The following FAM131B variants were observed in gnomAD, a reference collection of about 807,000 sequenced individuals.
FAM131B encodes protein FAM131B.
A neutral mutation model predicts 42.0 loss-of-function variants in FAM131B; 19 were observed. That is an observed-to-expected ratio of 0.45 (90% CI 0.32 to 0.66). FAM131B has a LOEUF of 0.66. FAM131B is among the 30% of genes least tolerant of loss of function. The pLI is 0.05. For synonymous variants in FAM131B, 183 were observed against 177.6 expected, an observed-to-expected ratio of 1.03 and a Z score of -0.24; for missense variants, 370 against 468.4, an observed-to-expected ratio of 0.79 and a Z score of 1.94.
At position 143,359,984 on chromosome 7, in the gene FAM131B, T is replaced by C; in HGVS notation, c.138+56A>G. 1.5e-6 allele frequency: 2 copies of C among 1,338,892 alleles called. No individual in the cohort carries two copies. The highest frequency in any genetic ancestry group is 2.1e-6 in the Non-Finnish European group (2 of 936,668). The allele number at this position is 1,338,892 out of a possible 1,614,324, so 82.9% of individuals were successfully genotyped here. ...TGAAGGAGTGTTTGGGTTGTTGCCTTGGAATTGAGGAAGTGCAGGCAGCCA... is the reference window on the plus strand; with the variant it reads ...TGAAGGAGTGTTTGGGTTGTTGCCTCGGAATTGAGGAAGTGCAGGCAGCCA... On this transcript the variant is annotated intron_variant, in intron 2 of 6. Coordinates refer to ENST00000443739, the MANE Select transcript of FAM131B (RefSeq NM_001031690.3). This position sits in a 1 kb window ranked among gnomAD's most constrained non-coding sequence, Gnocchi z 5.4.
At chr7:143,374,593 C>G in the FAM131B span, among the ~76,000 whole-genome samples, 3 of 152,188 alleles carry the variant, frequency 2.0e-5, no homozygotes, top group Non-Finnish European at 4.4e-5. Context: ...CCCCATTGCT[C>G]TCAGGATCAA....
the FAM131B span, among the ~76,000 whole-genome samples, chr7:143,371,720 C>CACTG: frequency 6.6e-6 from 1 of 151,842 alleles, no homozygotes; most frequent in Non-Finnish European, 1.5e-5. Flanking sequence ...TGGGAGGCCT[C>CACTG]ACTGAGAGGT....
At position 143,362,374 on chromosome 7, in the gene FAM131B, G is replaced by T. The variant is rs1227318028; in HGVS notation, c.28+202C>A. ...GAGAAGGAAGCGAGCCGAGCGGGATGGCAGCCCCGGAGGCGCAAGACGAGA... is the reference window on the plus strand; with the variant it reads ...GAGAAGGAAGCGAGCCGAGCGGGATTGCAGCCCCGGAGGCGCAAGACGAGA... On this transcript the variant is annotated intron_variant, in intron 1 of 6. Coordinates refer to ENST00000443739, the MANE Select transcript of FAM131B (RefSeq NM_001031690.3). The surrounding 1 kb of genome is among the most constrained non-coding windows in gnomAD (Gnocchi z 7.7). 1.3e-5 allele frequency among the ~76,000 whole-genome samples: 2 copies of T among 152,162 alleles called. No individual in the cohort carries two copies. The highest frequency in any genetic ancestry group is 2.9e-5 in the Non-Finnish European group (2 of 68,016).
rs1359289788 is a variant in FAM131B at position 143,358,150 on chromosome 7, A to C, written c.466+677T>G. ...CTAGTCAAATCCATGAGCGTGTTGA[A>C]GCTGGTACTGCTCCTGCCCCCCACC... On this transcript the variant is annotated intron_variant, in intron 5 of 6. Coordinates refer to ENST00000443739, the MANE Select transcript of FAM131B (RefSeq NM_001031690.3). The surrounding 1 kb of genome is among the most constrained non-coding windows in gnomAD (Gnocchi z 4.7). Among the ~76,000 whole-genome samples the C allele has an allele frequency of 6.6e-6, 1 of 152,116 alleles. No individual in the cohort carries two copies. Among genetic ancestry groups the C allele is most frequent in the African/African-American group, 2.4e-5 (1 of 41,416 alleles).
chr7:143,359,174 A>G lies in FAM131B; in HGVS notation c.269-150T>C. On this transcript the variant is annotated intron_variant, in intron 4 of 6. Coordinates refer to ENST00000443739, the MANE Select transcript of FAM131B (RefSeq NM_001031690.3). The surrounding 1 kb of genome is among the most constrained non-coding windows in gnomAD (Gnocchi z 5.4). ...CTCCATAGATGGGGTAGTGGAGGGA[A>G]TGGCCTGGAGGATGGGAGGCTTGAC... is the stretch of plus-strand genomic sequence containing the variant. 1 of 1,023,992 alleles carries G rather than the reference A, an allele frequency of 9.8e-7. No homozygotes were observed. The highest frequency in any genetic ancestry group is 1.5e-6 in the Non-Finnish European group (1 of 686,074). The allele number at this position is 1,023,992 out of a possible 1,614,324, so 63.4% of individuals were successfully genotyped here. A position where few individuals can be genotyped will look rare whatever the true frequency, so the allele number is the denominator to read the frequency against.
At position 143,354,123 on chromosome 7, in the gene FAM131B, C is replaced by T. The variant is rs1803551937; in HGVS notation, c.*2427G>A. 6.6e-6 allele frequency: 1 copy of T among 152,022 alleles called. No homozygotes were observed. The highest frequency in any genetic ancestry group is 1.5e-5 in the Non-Finnish European group (1 of 67,960). 9.4% of individuals were successfully genotyped at this position (152,022 alleles called of 1,614,324 possible). ...CTAAGATGGTCCCAGGCCAGCTCCT[C>T]AGTCTCCCTCTTCAGAGCGAGTAGG... is the stretch of plus-strand genomic sequence containing the variant. On this transcript the variant is annotated 3_prime_UTR_variant, in exon 7 of 7. Transcript: ENST00000443739.
At chr7:143,360,387 T>C in intron 1 of FAM131B, 2 of 1,380,130 alleles carry the variant, frequency 1.4e-6, no homozygotes, top group East Asian at 2.8e-5. Flanking sequence ...TGTTGTTGTT[T>C]ATGTGGAGGG....
chr7:143,356,592 A>T lies in FAM131B; in HGVS notation c.1041T>A (p.Gly347=). 1 of 1,613,888 alleles carries T rather than the reference A, an allele frequency of 6.2e-7. No individual in the cohort carries two copies. Among genetic ancestry groups the T allele is most frequent in the Non-Finnish European group, 8.5e-7 (1 of 1,179,968 alleles). Residue 347 remains glycine (G), a synonymous_variant, in exon 7 of 7, where the codon GGT becomes GGA. Transcript: ENST00000443739. The surrounding 1 kb of genome is among the most constrained non-coding windows in gnomAD (Gnocchi z 4.4). ...CTTCCTCCTCATCAAAGGACTGCAC[A>T]CCTGAGGATGTGACGTCAGACACCT... ...SRKVSDVTSS[G]VQSFDEEEGE... is the part of the protein sequence containing the mutation.
upstream of FAM131B, among the ~76,000 whole-genome samples, chr7:143,365,505 G>T (rs1456842072): frequency 6.6e-6 from 1 of 152,156 alleles, no homozygotes; most frequent in Non-Finnish European, 1.5e-5. Context: ...TTCTTGCATT[G>T]CAGTTGAGAG....
At chr7:143,370,442 C>T in the FAM131B span, among the ~76,000 whole-genome samples, 1 of 152,126 alleles carries the variant, frequency 6.6e-6, no homozygotes, top group African/African-American at 2.4e-5. Flanking sequence ...GGGCTGTGTT[C>T]CCAGACGGTT....
chr7:143,381,033 G>T, the FAM131B span: 3 of 278,472 alleles, frequency 1.1e-5, no homozygotes, highest in Admixed American at 6.5e-5. Flanking sequence ...GGAGGGGGAG[G>T]CAGGTCAGGA....
At chr7:143,378,802 TC>T in the FAM131B span, among the ~76,000 whole-genome samples, 3 of 152,226 alleles carry the variant, frequency 2.0e-5, no homozygotes, top group African/African-American at 7.2e-5. Flanking sequence ...GTCTCAAACT[TC>T]CGACCTCAAG....
At chr7:143,365,139 A>C (rs1804150891), upstream of FAM131B, among the ~76,000 whole-genome samples, 1 of 152,226 alleles carries the variant, frequency 6.6e-6, no homozygotes, top group Non-Finnish European at 1.5e-5. Context: ...AAAGTACAAG[A>C]GAGGGGAAGA....
At chr7:143,363,136 C>T (rs1283223574), upstream of FAM131B, among the ~76,000 whole-genome samples, 3 of 152,170 alleles carry the variant, frequency 2.0e-5, no homozygotes, top group South Asian at 2.1e-4. Flanking sequence ...CTTTGGCCAC[C>T]AAATTCCGCA....
rs1803653530 is a variant in FAM131B, at chr7:143,356,393, C to T, written c.*157G>A. On this transcript the variant is annotated 3_prime_UTR_variant, in exon 7 of 7. Coordinates refer to ENST00000443739, the MANE Select transcript of FAM131B (RefSeq NM_001031690.3). The surrounding 1 kb of genome is among the most constrained non-coding windows in gnomAD (Gnocchi z 4.4). ...TCTAGAGTGTAAGCCTGGATAAAAT[C>T]CCATCCTGGTCCTCCATTTCCAGGA... The T allele has an allele frequency of 1.6e-6, 1 of 617,636 alleles. No homozygotes were observed. The highest frequency in any genetic ancestry group is 2.7e-5 in the East Asian group (1 of 36,610). The allele number at this position is 617,636 out of a possible 1,614,324, so 38.3% of individuals were successfully genotyped here. A position where few individuals can be genotyped will look rare whatever the true frequency, so the allele number is the denominator to read the frequency against.
chr7:143,381,094 G>A, the FAM131B span: 1 of 620,808 alleles, frequency 1.6e-6, no homozygotes, highest in Non-Finnish European at 2.0e-6. Flanking sequence ...GCCGGGCTGG[G>A]GCGGCGGGGG....
intron 1 of FAM131B, chr7:143,360,453 G>C: frequency 8.2e-7 from 1 of 1,212,462 alleles, no homozygotes; most frequent in Non-Finnish European, 1.0e-6. Flanking sequence ...GACTCTTGGA[G>C]GGTTTCTGTA....
chr7:143,362,535 C>T lies in FAM131B; in HGVS notation c.28+41G>A, dbSNP rs1437295408. On this transcript the variant is annotated intron_variant, in intron 1 of 6. Coordinates refer to ENST00000443739, the MANE Select transcript of FAM131B (RefSeq NM_001031690.3). This position sits in a 1 kb window ranked among gnomAD's most constrained non-coding sequence, Gnocchi z 7.7. ...TGGGGGAGGGGGTCGGAGGGCGGCC[C>T]GGGGGGCCCAGCCCTGCCCCCGCCC... 1.8e-6 allele frequency: 2 copies of T among 1,117,954 alleles called. No individual in the cohort carries two copies. Among genetic ancestry groups the T allele is most frequent in the Non-Finnish European group, 2.3e-6 (2 of 887,454 alleles). The allele number at this position is 1,117,954 out of a possible 1,614,324, so 69.3% of individuals were successfully genotyped here.
At chr7:143,371,338 G>A in the FAM131B span, among the ~76,000 whole-genome samples, 1 of 152,074 alleles carries the variant, frequency 6.6e-6, no homozygotes, top group East Asian at 1.9e-4. Context: ...AGGGCCAGGC[G>A]TGGTGGCTCA....
Sources: allele counts gnomAD v4.1 joint callset (sites outside exome capture counted in the v4.1 genomes callset), GRCh38; gene constraint gnomAD v4.1.1; non-coding constraint Gnocchi (gnomAD v3.1); transcripts MANE v1.5; gene names NCBI Gene and HGNC (gene_info 2026-07-23, HGNC 2026-07-21).